CFAP97D2: variants seen among roughly 807,000 people sequenced by gnomAD.
The protein encoded by CFAP97D2 is uncharacterized protein CFAP97D2.
At position 114,219,383 on chromosome 13, in the gene CFAP97D2, A is replaced by C. The variant is rs147212086; in HGVS notation, c.481-3115A>C. Reference sequence around the variant, plus strand: ...CCTTACTTTTCCTCCTCTTATATTAATACTATTGAGTTTTTCCTCAGCAAA... The same window carrying C: ...CCTTACTTTTCCTCCTCTTATATTACTACTATTGAGTTTTTCCTCAGCAAA... On this transcript the variant is annotated intron_variant, in intron 4 of 4. Coordinates refer to ENST00000646158, the Ensembl canonical transcript of CFAP97D2. Among the ~76,000 whole-genome samples, 64 of 152,176 alleles carry C rather than the reference A, an allele frequency of 4.2e-4. 1 individual carries two copies. Among genetic ancestry groups the C allele is most frequent in the African/African-American group, 1.4e-3 (60 of 41,496 alleles).
At chr13:114,193,179 A>G (rs2080875444) in intron 1 of CFAP97D2, among the ~76,000 whole-genome samples, 1 of 152,250 alleles carries the variant, frequency 6.6e-6, no homozygotes, top group African/African-American at 2.4e-5. Flanking sequence ...TTATTTGTAA[A>G]TGAAATTCCT....
rs971394820 is a variant in CFAP97D2, at chr13:114,203,792, G to T, written c.290+3349G>T. Among the ~76,000 whole-genome samples, 1 of 152,174 alleles carries T rather than the reference G, an allele frequency of 6.6e-6. No individual in the cohort carries two copies. Among genetic ancestry groups the T allele is most frequent in the Non-Finnish European group, 1.5e-5 (1 of 68,036 alleles). On this transcript the variant is annotated intron_variant, in intron 3 of 4. Coordinates refer to ENST00000646158, the Ensembl canonical transcript of CFAP97D2. The surrounding 1 kb of genome is among the most constrained non-coding windows in gnomAD (Gnocchi z 4.3). ...CATGTGCAGACAAGGCCCTGGGCAG[G>T]TTCCCTCATCTGCACAAAAGCATCT...
At chr13:114,220,201 C>T (rs1488656255) in intron 4 of CFAP97D2, among the ~76,000 whole-genome samples, 1 of 152,160 alleles carries the variant, frequency 6.6e-6, no homozygotes, top group Non-Finnish European at 1.5e-5. Context: ...GTTGGACCAC[C>T]TCCCTATGGT....
At chr13:114,182,164 G>GC (rs2080835708) in intron 1 of CFAP97D2, among the ~76,000 whole-genome samples, 2 of 137,050 alleles carry the variant, frequency 1.5e-5, no homozygotes, top group African/African-American at 2.8e-5. Flanking sequence ...GAGAAGGTCA[G>GC]CAAAAAACGT....
At chr13:114,200,911 C>CA (rs1259948839) in intron 3 of CFAP97D2, among the ~76,000 whole-genome samples, 1 of 152,184 alleles carries the variant, frequency 6.6e-6, no homozygotes, top group African/African-American at 2.4e-5. Context: ...CCAAAAGCAG[C>CA]AAAAGGTTTT....
chr13:114,195,062 T>G (rs1345199175), intron 1 of CFAP97D2, among the ~76,000 whole-genome samples: 1 of 152,122 alleles, frequency 6.6e-6, no homozygotes, highest in Non-Finnish European at 1.5e-5. Context: ...GCCCCACACA[T>G]GTACACCGCA....
At position 114,199,968 on chromosome 13, in the gene CFAP97D2, C is replaced by T. The variant is rs1232826374; in HGVS notation, c.172-357C>T. On this transcript the variant is annotated intron_variant, in intron 2 of 4. Transcript: ENST00000646158. ...TACGGTCCCCGATGAGGCGTGACGG[C>T]GCGTCCCCGTGCTTACGGTCCCCGA... Among the ~76,000 whole-genome samples the T allele has an allele frequency of 2.4e-5, 2 of 85,036 alleles. 1 individual carries two copies. Among genetic ancestry groups the T allele is most frequent in the East Asian group, 7.7e-4 (2 of 2,596 alleles). 55.8% of individuals were successfully genotyped at this position (85,036 alleles called of 152,430 possible).
intron 4 of CFAP97D2, among the ~76,000 whole-genome samples, chr13:114,219,448 C>T (rs2081010438): frequency 6.6e-6 from 1 of 152,192 alleles, no homozygotes; most frequent in Admixed American, 6.5e-5. Flanking sequence ...CAAATTTATA[C>T]TTCATTTACT....
intron 1 of CFAP97D2, among the ~76,000 whole-genome samples, chr13:114,196,083 A>G (rs2080885952): frequency 6.6e-6 from 1 of 151,310 alleles, no homozygotes. Context: ...ACTCAAAAAA[A>G]AAAAAAAAAA....
rs1376323220 is a variant in CFAP97D2, at chr13:114,185,201, T to C, written c.90+5781T>C. Among the ~76,000 whole-genome samples, 2 of 152,164 alleles carry C rather than the reference T, an allele frequency of 1.3e-5. No homozygotes were observed. The highest frequency in any genetic ancestry group is 2.9e-5 in the Non-Finnish European group (2 of 68,018). ...GACTCTGGCCCCGTGTCACCGCTCT[T>C]GCCTGCTGATGCAGGGAGGGCACAG... On this transcript the variant is annotated intron_variant, in intron 1 of 4. Transcript: ENST00000646158. This position sits in a 1 kb window ranked among gnomAD's most constrained non-coding sequence, Gnocchi z 5.2.
chr13:114,213,067 T>G (rs2080975200), intron 4 of CFAP97D2, among the ~76,000 whole-genome samples: 1 of 152,216 alleles, frequency 6.6e-6, no homozygotes, highest in Non-Finnish European at 1.5e-5. Context: ...TTGTCATTAA[T>G]ATACTGCTTA....
At chr13:114,195,873 C>G (rs1442479628) in intron 1 of CFAP97D2, among the ~76,000 whole-genome samples, 2 of 150,184 alleles carry the variant, frequency 1.3e-5, no homozygotes, top group South Asian at 4.2e-4. Flanking sequence ...AAATCGAGAC[C>G]ATCCTGGCTA....
intron 3 of CFAP97D2, among the ~76,000 whole-genome samples, chr13:114,209,038 A>C (rs1039445364): frequency 6.6e-6 from 1 of 152,204 alleles, no homozygotes; most frequent in Non-Finnish European, 1.5e-5. Flanking sequence ...GGCTAAATGA[A>C]AATTTAGGGA....
rs2081024626 is a variant in CFAP97D2, at chr13:114,222,047, C to T, written c.481-451C>T. Among the ~76,000 whole-genome samples the T allele has an allele frequency of 6.6e-6, 1 of 152,186 alleles. No individual in the cohort carries two copies. Among genetic ancestry groups the T allele is most frequent in the East Asian group, 1.9e-4 (1 of 5,202 alleles). ...CCATAAAAAGGAATGATACTAGTTA[C>T]AGAATGGATAAACCTTAAAGACATT... On this transcript the variant is annotated intron_variant, in intron 4 of 4. Coordinates refer to ENST00000646158, the Ensembl canonical transcript of CFAP97D2. This position sits in a 1 kb window ranked among gnomAD's most constrained non-coding sequence, Gnocchi z 4.4.
At chr13:114,192,116 C>G (rs1211975896) in intron 1 of CFAP97D2, among the ~76,000 whole-genome samples, 4 of 151,970 alleles carry the variant, frequency 2.6e-5, no homozygotes, top group African/African-American at 9.7e-5. Flanking sequence ...ATTTTTAGGG[C>G]CATGAAAATA....
At position 114,207,450 on chromosome 13, in the gene CFAP97D2, AGACAGT is replaced by A. The variant is rs2080946178; in HGVS notation, c.291-4456_291-4451del. ...ATGGTCCCATCTAGGGATCGTGTGGAGACAGTGACAGATCATCAGGCATTAGATTTT... is the reference window on the plus strand; with the variant it reads ...ATGGTCCCATCTAGGGATCGTGTGGAGACAGATCATCAGGCATTAGATTTT... On this transcript the variant is annotated intron_variant, in intron 3 of 4. Coordinates refer to ENST00000646158, the Ensembl canonical transcript of CFAP97D2. The surrounding 1 kb of genome is among the most constrained non-coding windows in gnomAD (Gnocchi z 4.9). Among the ~76,000 whole-genome samples the A allele has an allele frequency of 6.6e-6, 1 of 151,274 alleles. No individual in the cohort carries two copies. Among genetic ancestry groups the A allele is most frequent in the Non-Finnish European group, 1.5e-5 (1 of 67,960 alleles).
chr13:114,200,338 G>A (rs934424279), exon 3 of CFAP97D2: 2 of 398,528 alleles, frequency 5.0e-6, no homozygotes, highest in African/African-American at 4.1e-5. Flanking sequence ...GAGGAGGAAC[G>A]GCTCTCCGTC....
At chr13:114,212,756 G>A (rs1312569509) in intron 4 of CFAP97D2, among the ~76,000 whole-genome samples, 1 of 152,204 alleles carries the variant, frequency 6.6e-6, no homozygotes, top group Non-Finnish European at 1.5e-5. Flanking sequence ...GGAGGCTGAG[G>A]CAGGAGAATC....
chr13:114,195,069 C>T (rs2080880978), intron 1 of CFAP97D2, among the ~76,000 whole-genome samples: 2 of 152,170 alleles, frequency 1.3e-5, no homozygotes, highest in Non-Finnish European at 2.9e-5. Context: ...ACATGTACAC[C>T]GCACCTGGGC....
Sources: gnomAD v4.1 joint callset for allele counts (sites outside exome capture counted in the v4.1 genomes callset) on GRCh38, gnomAD v4.1.1 for gene constraint, Gnocchi (gnomAD v3.1) non-coding constraint, MANE v1.5 for transcripts, NCBI Gene and HGNC (gene_info 2026-07-23, HGNC 2026-07-21) for gene names.